SERPINB10: variants seen among roughly 807,000 people sequenced by gnomAD.
SERPINB10 encodes the protein serpin family B member 10.
In SERPINB10, 35 loss-of-function variants were observed where a neutral mutation model predicts 39.1. The observed-to-expected ratio is 0.90, with a 90% CI of 0.68 to 1.19. The LOEUF is 1.19. SERPINB10 is among the 50% of genes most tolerant of loss of function. The pLI is 0.00. For missense variants in SERPINB10, 546 were observed against 460.5 expected, an observed-to-expected ratio of 1.19 and a Z score of -1.70; for synonymous variants, 190 against 158.1, an observed-to-expected ratio of 1.20 and a Z score of -1.52.
intron 1 of SERPINB10, among the ~76,000 whole-genome samples, chr18:63,909,936 T>C (rs1194879534): frequency 6.6e-6 from 1 of 152,050 alleles, no homozygotes; most frequent in East Asian, 1.9e-4. Context: ...TACAGTCTTT[T>C]TTGTTTTCTA....
At chr18:63,932,272 A>G (rs1479010823) in intron 6 of SERPINB10, among the ~76,000 whole-genome samples, 3 of 152,196 alleles carry the variant, frequency 2.0e-5, no homozygotes, top group Admixed American at 2.0e-4. Context: ...GTAAATACCT[A>G]GGAACAAAAT....
chr18:63,918,975 T>C (rs181942038), intron 4 of SERPINB10, among the ~76,000 whole-genome samples: 212 of 152,104 alleles, frequency 1.4e-3, no homozygotes, highest in Non-Finnish European at 2.6e-3. Context: ...AATATTTAAG[T>C]TTTCCTTTTA....
Position 63,907,972 on chromosome 18 carries a change from C to A in SERPINB10, c.-78C>A. On this transcript the variant is annotated 5_prime_UTR_variant, in exon 1 of 8. Coordinates refer to ENST00000238508, the MANE Select transcript of SERPINB10 (RefSeq NM_005024.3). ...TTAATTTCTTCAGTTGAAAGTTTCTCAACTCTTCAGCCACAATCTCTTACT... is the reference window on the plus strand; with the variant it reads ...TTAATTTCTTCAGTTGAAAGTTTCTAAACTCTTCAGCCACAATCTCTTACT... 1.6e-5 allele frequency: 5 copies of A among 312,480 alleles called. No individual in the cohort carries two copies. The highest frequency in any genetic ancestry group is 2.7e-5 in the South Asian group (1 of 36,848). The allele number at this position is 312,480 out of a possible 1,614,324, so 19.4% of individuals were successfully genotyped here.
intron 5 of SERPINB10, among the ~76,000 whole-genome samples, chr18:63,921,989 T>C (rs184689733): frequency 5.0e-4 from 76 of 151,790 alleles, no homozygotes; most frequent in East Asian, 3.9e-4. Context: ...AACATCCTCC[T>C]CTTTGCTCCC....
chr18:63,930,883 G>A (rs2050217374), intron 6 of SERPINB10, among the ~76,000 whole-genome samples: 1 of 152,140 alleles, frequency 6.6e-6, no homozygotes, highest in Non-Finnish European at 1.5e-5. Flanking sequence ...AAAGGAACTA[G>A]TTGACCAAGG....
intron 3 of SERPINB10, 132 bp downstream of exon 3, chr18:63,917,653 T>A (rs888280454): frequency 3.0e-5 from 17 of 562,128 alleles, no homozygotes; most frequent in African/African-American, 2.7e-4. Flanking sequence ...TTACAGAAAC[T>A]TTTTTTGGAA....
At chr18:63,909,387 T>C (rs73961808) in intron 1 of SERPINB10, among the ~76,000 whole-genome samples, 3,853 of 152,124 alleles carry the variant, frequency 0.025, 154 homozygotes, top group African/African-American at 0.087. Flanking sequence ...TCAGAAAGTA[T>C]TTTTCATTGT....
At chr18:63,931,026 G>T (rs991209868) in intron 6 of SERPINB10, among the ~76,000 whole-genome samples, 4 of 152,148 alleles carry the variant, frequency 2.6e-5, no homozygotes, top group Non-Finnish European at 1.5e-5. Context: ...ACACATAATC[G>T]AGTAGGTTAA....
intron 5 of SERPINB10, among the ~76,000 whole-genome samples, chr18:63,920,436 TAGAG>T (rs1413359221): frequency 6.6e-6 from 1 of 152,010 alleles, no homozygotes; most frequent in East Asian, 1.9e-4. Flanking sequence ...CATCCTGGCT[TAGAG>T]AGAGCATTTT....
At chr18:63,914,212 A>C (rs1033829597) in intron 1 of SERPINB10, among the ~76,000 whole-genome samples, 1 of 152,050 alleles carries the variant, frequency 6.6e-6, no homozygotes, top group African/African-American at 2.4e-5. Flanking sequence ...CTTGTTTTTT[A>C]ATCCAACTTG....
intron 4 of SERPINB10, among the ~76,000 whole-genome samples, 171 bp downstream of exon 4, chr18:63,918,273 C>T (rs1024184564): frequency 3.9e-5 from 6 of 151,938 alleles, no homozygotes; most frequent in African/African-American, 1.4e-4. Context: ...TAAAGGAAAC[C>T]AATAACAGGT....
At chr18:63,917,268 G>A (rs2050110237) in intron 2 of SERPINB10, among the ~76,000 whole-genome samples, 188 bp from the exon 3 acceptor site, 1 of 151,948 alleles carries the variant, frequency 6.6e-6, no homozygotes, top group African/African-American at 2.4e-5. Context: ...TTCGACTTTA[G>A]AAAATTTATT....
Position 63,935,125 on chromosome 18 carries a change from A to G in SERPINB10, c.1077A>G (p.Ile359Met). 1 of 1,613,834 alleles carries G rather than the reference A, an allele frequency of 6.2e-7. No homozygotes were observed. The highest frequency in any genetic ancestry group is 1.1e-5 in the South Asian group (1 of 91,088). The change falls in exon 8 of 8, where the codon ATA becomes ATG. Residue 359 changes from isoleucine to methionine, a missense_variant. Coordinates refer to ENST00000238508, the MANE Select transcript of SERPINB10 (RefSeq NM_005024.3). ...CTGCAGCTGGCAGTGGGAGTGAGAT[A>G]GATATACGAATTAGAGTCCCATCCA... ...TEAAAGSGSE[I>M]DIRIRVPSIE...
At chr18:63,908,379 CT>C (rs982681940) in intron 1 of SERPINB10, among the ~76,000 whole-genome samples, 1 of 152,080 alleles carries the variant, frequency 6.6e-6, no homozygotes, top group African/African-American at 2.4e-5. Context: ...ATTTATGTAT[CT>C]GTCAACATAG....
At chr18:63,915,452 G>A (rs1345743211) in intron 1 of SERPINB10, 50 bp from the exon 2 acceptor site, 2 of 1,344,332 alleles carry the variant, frequency 1.5e-6, no homozygotes, top group African/African-American at 1.5e-5. Context: ...CAAAGGTGAA[G>A]TGGAAATAAA....
chr18:63,914,057 C>T (rs1452186089), intron 1 of SERPINB10, among the ~76,000 whole-genome samples: 1 of 151,984 alleles, frequency 6.6e-6, no homozygotes, highest in Non-Finnish European at 1.5e-5. Context: ...TGGCTTAAAG[C>T]CTGTTGTATC....
intron 6 of SERPINB10, among the ~76,000 whole-genome samples, chr18:63,931,135 G>A (rs1343215817): frequency 6.6e-6 from 1 of 152,130 alleles, no homozygotes; most frequent in Non-Finnish European, 1.5e-5. Context: ...TGGCAAAATG[G>A]GAATTGTATT....
chr18:63,929,844 A>G (rs1009297881), intron 5 of SERPINB10, among the ~76,000 whole-genome samples: 1 of 152,060 alleles, frequency 6.6e-6, no homozygotes, highest in African/African-American at 2.4e-5. Context: ...ACAGTCCAGC[A>G]TATTATTTCT....
chr18:63,928,646 T>G (rs199902168), intron 5 of SERPINB10, among the ~76,000 whole-genome samples: 1 of 152,106 alleles, frequency 6.6e-6, no homozygotes. Context: ...AGTATGGCCG[T>G]TTTCACGATA....
Sources: allele counts gnomAD v4.1 joint callset (sites outside exome capture counted in the v4.1 genomes callset), GRCh38; gene constraint gnomAD v4.1.1; transcripts MANE v1.5; gene names NCBI Gene and HGNC (gene_info 2026-07-23, HGNC 2026-07-21).